The following RORA variants were observed in gnomAD, a reference collection of about 807,000 sequenced individuals.
The protein encoded by RORA is RAR related orphan receptor A.
Under a neutral mutation model 69.5 loss-of-function variants are expected in RORA, and 7 were observed. The ratio of observed to expected loss-of-function variants is 0.10; its 90% CI spans 0.06 to 0.19. The LOEUF (loss-of-function observed/expected upper bound fraction) is 0.19. Among genes scored for constraint, RORA ranks in the 10% least tolerant of loss-of-function variants. The probability of loss-of-function intolerance (pLI) is 1.00; values close to 1 mark genes in which losing one functional copy is unlikely to be tolerated. For synonymous variants in RORA, 261 were observed against 240.8 expected, an observed-to-expected ratio of 1.08 and a Z score of -0.78; for missense variants, 457 against 663.0, an observed-to-expected ratio of 0.69 and a Z score of 3.41.
At chr15:60,965,143 A>C (rs1893518395) in intron 1 of RORA, among the ~76,000 whole-genome samples, 1 of 152,162 alleles carries the variant, frequency 6.6e-6, no homozygotes, top group African/African-American at 2.4e-5. Flanking sequence ...TCTTAGTCCA[A>C]CAGGACTAGG....
intron 1 of RORA, among the ~76,000 whole-genome samples, chr15:61,025,625 G>A (rs1034376895): frequency 2.6e-5 from 4 of 152,280 alleles, no homozygotes; most frequent in East Asian, 1.9e-4. Context: ...AAGCTCCCTG[G>A]GCTGATGATT....
At chr15:60,759,708 G>A (rs146469685) in intron 1 of RORA, among the ~76,000 whole-genome samples, 8 of 152,104 alleles carry the variant, frequency 5.3e-5, no homozygotes, top group South Asian at 2.1e-4. Context: ...AAAGAAGTGC[G>A]TGCCAAATGA....
At chr15:60,758,947 T>C (rs571743390) in intron 1 of RORA, among the ~76,000 whole-genome samples, 165 of 152,264 alleles carry the variant, frequency 1.1e-3, no homozygotes, top group African/African-American at 3.8e-3. Context: ...AAGTCCAGAG[T>C]GATCCAGAGA....
chr15:61,176,984 T>G (rs892738664), intron 1 of RORA, among the ~76,000 whole-genome samples: 1 of 152,090 alleles, frequency 6.6e-6, no homozygotes, highest in African/African-American at 2.4e-5. Flanking sequence ...CTCTCATAGG[T>G]CGGGGGAAGG....
intron 1 of RORA, among the ~76,000 whole-genome samples, chr15:60,854,620 C>T (rs75989231): frequency 0.019 from 2,843 of 152,252 alleles, 36 homozygotes; most frequent in Non-Finnish European, 0.031. Context: ...ACAAAATTAG[C>T]AACTTGTAGC....
At chr15:61,122,695 AAGAC>A (rs2079114079) in intron 1 of RORA, among the ~76,000 whole-genome samples, 1 of 152,106 alleles carries the variant, frequency 6.6e-6, no homozygotes. Flanking sequence ...GGATCTTTTT[AAGAC>A]AGGTGTCTGG....
chr15:60,542,481 C>T lies in RORA; in HGVS notation c.197-10630G>A, dbSNP rs537664592. Among the ~76,000 whole-genome samples the T allele has an allele frequency of 6.7e-5, 10 of 149,922 alleles. No homozygotes were observed. In the East Asian group the frequency reaches 1.2e-3, roughly 18 times the overall value. On this transcript the variant is annotated intron_variant, in intron 2 of 10. Transcript: ENST00000335670. ...ACACCTCACACACACGGCACACAGG[C>T]GCACCTCACACGGCACACAGGCACA...
Position 60,691,104 on chromosome 15 carries a change from C to G in RORA, c.167-12418G>C, listed in dbSNP as rs1367947168. 2.0e-5 allele frequency among the ~76,000 whole-genome samples: 3 copies of G among 152,134 alleles called. No individual in the cohort carries two copies. The East Asian group carries it at 5.8e-4, about 29-fold the overall frequency. ...TCTAAAGCTCTAAGCTTGCTCCAGA[C>G]TCACATCCTTTCTGTTTGTAGTTCC... On this transcript the variant is annotated intron_variant, in intron 1 of 10. Transcript: ENST00000335670.
chr15:60,737,531 CTG>C, intron 1 of RORA, among the ~76,000 whole-genome samples: 1 of 152,212 alleles, frequency 6.6e-6, no homozygotes, highest in Non-Finnish European at 1.5e-5. Flanking sequence ...ATCAGAAACT[CTG>C]GGCATGGGCT....
intron 1 of RORA, among the ~76,000 whole-genome samples, chr15:60,779,786 T>A (rs1362272860): frequency 6.6e-6 from 1 of 152,242 alleles, no homozygotes; most frequent in African/African-American, 2.4e-5. Flanking sequence ...TGTAAACTGA[T>A]AAGCACTGAT....
chr15:60,685,775 A>C (rs9920661), intron 1 of RORA, among the ~76,000 whole-genome samples: 21,020 of 152,246 alleles, frequency 0.14, 1,468 homozygotes, highest in East Asian at 0.17. Context: ...ACCAAGGACA[A>C]CACGTGGAAG....
intron 3 of RORA, among the ~76,000 whole-genome samples, chr15:60,515,898 ATTTATATATATTG>A (rs1207068414): frequency 0.012 from 1,353 of 112,044 alleles, 112 homozygotes; most frequent in African/African-American, 0.051. Context: ...ACATATATAT[ATTTATATATATTG>A]TATTTATATA....
intron 2 of RORA, among the ~76,000 whole-genome samples, chr15:60,613,299 A>G (rs1443721507): frequency 2.0e-5 from 3 of 152,042 alleles, no homozygotes; most frequent in Non-Finnish European, 4.4e-5. Flanking sequence ...AACCTTCTCT[A>G]TTTCCTTCTC....
chr15:60,691,337 C>T (rs1192670266), intron 1 of RORA, among the ~76,000 whole-genome samples: 2 of 152,140 alleles, frequency 1.3e-5, no homozygotes, highest in African/African-American at 4.8e-5. Context: ...GTATGTCTTC[C>T]CAACAATTTC....
intron 1 of RORA, among the ~76,000 whole-genome samples, chr15:61,034,076 T>C (rs1161589089): frequency 6.6e-6 from 1 of 152,198 alleles, no homozygotes; most frequent in African/African-American, 2.4e-5. Context: ...ACTTCCATTA[T>C]AGTTCAATTG....
intron 1 of RORA, among the ~76,000 whole-genome samples, chr15:60,733,857 T>C (rs1191054781): frequency 1.3e-5 from 2 of 149,390 alleles, no homozygotes; most frequent in African/African-American, 5.0e-5. Flanking sequence ...GGAAGTTGAG[T>C]TGCCCAACTT....
chr15:60,614,867 A>T (rs750419552), intron 2 of RORA: 6 of 1,595,936 alleles, frequency 3.8e-6, no homozygotes, highest in Non-Finnish European at 5.2e-6. Flanking sequence ...AGCTGCCTGG[A>T]GCATAGTAAG....
intron 1 of RORA, among the ~76,000 whole-genome samples, chr15:60,806,888 T>C (rs1242482350): frequency 6.6e-6 from 1 of 152,148 alleles, no homozygotes; most frequent in African/African-American, 2.4e-5. Flanking sequence ...CCTGTCTATT[T>C]AGAAAAAGTC....
intron 1 of RORA, among the ~76,000 whole-genome samples, chr15:61,091,162 T>C (rs542697476): frequency 5.8e-4 from 89 of 152,342 alleles, no homozygotes; most frequent in Middle Eastern, 3.4e-3. Flanking sequence ...ACGCACTCTT[T>C]AGAGCTCTGC....
Sources: gnomAD v4.1 joint callset for allele counts (sites outside exome capture counted in the v4.1 genomes callset) on GRCh38, gnomAD v4.1.1 for gene constraint, MANE v1.5 for transcripts, NCBI Gene and HGNC (gene_info 2026-07-23, HGNC 2026-07-21) for gene names.